Variants in LHFPL1 observed in about 807,000 individuals in gnomAD.
LHFPL1 encodes the protein LHFPL tetraspan subfamily member 1, also known as LHFPL tetraspan subfamily member 1 protein.
LHFPL1 carries 4 observed loss-of-function variants against 12.1 expected under a neutral mutation model. The observed-to-expected ratio is 0.33, with a 90% CI of 0.16 to 0.76. The LOEUF is 0.76. Among genes scored for constraint, LHFPL1 ranks in the 30% least tolerant of loss-of-function variants. The probability of loss-of-function intolerance (pLI) is 0.61; values close to 1 mark genes in which losing one functional copy is unlikely to be tolerated. For synonymous variants in LHFPL1, 52 were observed against 61.9 expected, an observed-to-expected ratio of 0.84 and a Z score of 0.75; for missense variants, 141 against 174.1, an observed-to-expected ratio of 0.81 and a Z score of 1.07.
At chrX:112,655,212 T>C (rs1930963351) in intron 3 of LHFPL1, among the ~76,000 whole-genome samples, 2 of 112,125 alleles carry the variant, frequency 1.8e-5, no homozygotes, top group Admixed American at 1.9e-4. Context: ...AATTAGAGTA[T>C]TAAGTCTAAT....
intron 3 of LHFPL1, among the ~76,000 whole-genome samples, chrX:112,654,844 C>A (rs1370169720): frequency 4.5e-5 from 5 of 111,329 alleles, no homozygotes; most frequent in Non-Finnish European, 9.4e-5. Context: ...TTAAAACAAC[C>A]ATTTTATTAT....
chrX:112,647,786 A>C (rs1372335407), intron 3 of LHFPL1, among the ~76,000 whole-genome samples: 1 of 112,016 alleles, frequency 8.9e-6, no homozygotes, highest in Non-Finnish European at 1.9e-5. Flanking sequence ...AGAATCTAGA[A>C]ACAGAAATAC....
At chrX:112,644,681 C>A (rs767727867) in intron 3 of LHFPL1, among the ~76,000 whole-genome samples, 2 of 111,462 alleles carry the variant, frequency 1.8e-5, no homozygotes, top group South Asian at 7.7e-4. Context: ...GTCAGAGTGC[C>A]AAAGTGAGGT....
intron 3 of LHFPL1, among the ~76,000 whole-genome samples, chrX:112,634,866 G>T (rs755065426): frequency 1.4e-4 from 16 of 111,936 alleles, no homozygotes; most frequent in Non-Finnish European, 2.8e-4. Context: ...GGAAACTAAG[G>T]AGAAAGAGGG....
At chrX:112,642,459 C>T (rs1170167761) in intron 3 of LHFPL1, among the ~76,000 whole-genome samples, 2 of 107,670 alleles carry the variant, frequency 1.9e-5, no homozygotes, top group Non-Finnish European at 3.9e-5. Flanking sequence ...TAAGTGTGTT[C>T]ACATTCTTTG....
chrX:112,646,010 C>G (rs1287096403), intron 3 of LHFPL1, among the ~76,000 whole-genome samples: 1 of 111,144 alleles, frequency 9.0e-6, no homozygotes, highest in Non-Finnish European at 1.9e-5. Flanking sequence ...AGAAAGTCAC[C>G]TGCCCTTATT....
intron 3 of LHFPL1, among the ~76,000 whole-genome samples, chrX:112,647,782 T>G (rs976096989): frequency 2.7e-5 from 3 of 111,970 alleles, no homozygotes; most frequent in Non-Finnish European, 5.6e-5. Context: ...CTCAAGAATC[T>G]AGAAACAGAA....
intron 1 of LHFPL1, among the ~76,000 whole-genome samples, chrX:112,677,661 CAAA>C (rs58664430): frequency 0.037 from 3,534 of 96,122 alleles, 160 homozygotes; most frequent in African/African-American, 0.12. Flanking sequence ...GACAAAGCTT[CAAA>C]AAAAAAAAAA....
intron 3 of LHFPL1, among the ~76,000 whole-genome samples, chrX:112,647,368 T>G (rs374091871): frequency 3.6e-5 from 4 of 111,780 alleles, no homozygotes; most frequent in African/African-American, 1.3e-4. Context: ...CAAAAGAAAC[T>G]ATCATCAGAG....
chrX:112,634,496 G>A (rs942908326), intron 3 of LHFPL1, among the ~76,000 whole-genome samples: 1 of 111,862 alleles, frequency 8.9e-6, no homozygotes, highest in Non-Finnish European at 1.9e-5. Context: ...CTCTCATTCT[G>A]TTTCTTCAGC....
At chrX:112,662,749 C>G (rs1386933142) in intron 2 of LHFPL1, among the ~76,000 whole-genome samples, 3 of 111,864 alleles carry the variant, frequency 2.7e-5, no homozygotes, top group Non-Finnish European at 5.6e-5. Flanking sequence ...AGTGGCAATA[C>G]AACAACACCC....
chrX:112,641,442 G>A (rs1316482222), intron 3 of LHFPL1, among the ~76,000 whole-genome samples: 1 of 111,878 alleles, frequency 8.9e-6, no homozygotes, highest in Non-Finnish European at 1.9e-5. Context: ...GGAAGTCAGT[G>A]TGGTACAGGG....
At chrX:112,638,524 A>G (rs1478914100) in intron 3 of LHFPL1, among the ~76,000 whole-genome samples, 1 of 111,011 alleles carries the variant, frequency 9.0e-6, no homozygotes, top group Non-Finnish European at 1.9e-5. Context: ...AAATCAAAGA[A>G]GAGAAAGGGA....
chrX:112,677,830 TAAG>T (rs1195336524), intron 1 of LHFPL1, among the ~76,000 whole-genome samples: 1 of 111,592 alleles, frequency 9.0e-6, no homozygotes, highest in Non-Finnish European at 1.9e-5. Flanking sequence ...TTGGTGACTC[TAAG>T]AAGATCTCTC....
At chrX:112,675,767 G>A (rs1457382324) in intron 1 of LHFPL1, among the ~76,000 whole-genome samples, 1 of 111,804 alleles carries the variant, frequency 8.9e-6, no homozygotes, top group African/African-American at 3.3e-5. Flanking sequence ...TAGAGATGTT[G>A]TGGGCTAGCA....
chrX:112,660,146 GTCACCTACT>G (rs1931134796), intron 3 of LHFPL1, among the ~76,000 whole-genome samples: 2 of 112,316 alleles, frequency 1.8e-5, no homozygotes, highest in South Asian at 7.4e-4. Context: ...GGCTACTTCT[GTCACCTACT>G]CTAATATTTA....
chrX:112,631,715 A>T (rs955768450), intron 3 of LHFPL1, 114 bp from the exon 4 acceptor site: 22 of 504,106 alleles, frequency 4.4e-5, no homozygotes, highest in Non-Finnish European at 3.8e-5. Context: ...TCTCTTTGGG[A>T]TGCTATGGTT....
At chrX:112,635,616 T>A (rs739380) in intron 3 of LHFPL1, among the ~76,000 whole-genome samples, 9 of 112,299 alleles carry the variant, frequency 8.0e-5, no homozygotes, top group Non-Finnish European at 1.3e-4. Flanking sequence ...AGTATGAATA[T>A]GATAAGTGCT....
chrX:112,663,191 A>G (rs1199541924), intron 2 of LHFPL1, among the ~76,000 whole-genome samples: 5 of 111,227 alleles, frequency 4.5e-5, no homozygotes, highest in African/African-American at 1.6e-4. Context: ...GCTAAATTAC[A>G]CGCTCCTTCT....
Sources: gnomAD v4.1 joint callset for allele counts (sites outside exome capture counted in the v4.1 genomes callset) on GRCh38, gnomAD v4.1.1 for gene constraint, MANE v1.5 for transcripts, NCBI Gene and HGNC (gene_info 2026-07-23, HGNC 2026-07-21) for gene names.